FGF12: variants seen among roughly 807,000 people sequenced by gnomAD.
FGF12 encodes fibroblast growth factor 12, also known as fibroblast growth factor 12B.
In FGF12, 14 loss-of-function variants were observed where a neutral mutation model predicts 23.6. That is an observed-to-expected ratio of 0.59 (90% confidence interval 0.39 to 0.93). The LOEUF (loss-of-function observed/expected upper bound fraction) is 0.93. Ranked by LOEUF, FGF12 falls within the 40% of genes least tolerant of loss-of-function variation. The pLI, the probability that FGF12 is intolerant of heterozygous loss-of-function variation, is 0.00. For synonymous variants in FGF12, 62 were observed against 77.3 expected, an observed-to-expected ratio of 0.80 and a Z score of 1.04; for missense variants, 175 against 217.8, an observed-to-expected ratio of 0.80 and a Z score of 1.24.
chr3:192,508,492 C>T (rs550858893), intron 2 of FGF12, among the ~76,000 whole-genome samples: 15 of 152,196 alleles, frequency 9.9e-5, no homozygotes, highest in Non-Finnish European at 2.2e-4. Context: ...CTCTTTATAA[C>T]TCTGGTACCA....
chr3:192,287,826 A>G (rs1209855445), intron 4 of FGF12, among the ~76,000 whole-genome samples: 1 of 152,072 alleles, frequency 6.6e-6, no homozygotes, highest in Non-Finnish European at 1.5e-5. Flanking sequence ...GGGATACATT[A>G]TCTTATTTTC....
intron 4 of FGF12, among the ~76,000 whole-genome samples, chr3:192,316,974 T>A (rs1355237490): frequency 6.6e-6 from 1 of 151,932 alleles, no homozygotes; most frequent in Non-Finnish European, 1.5e-5. Flanking sequence ...GATGAAATTT[T>A]TAGACACACC....
At chr3:192,468,748 C>T (rs1311757774) in intron 2 of FGF12, among the ~76,000 whole-genome samples, 1 of 149,992 alleles carries the variant, frequency 6.7e-6, no homozygotes, top group Non-Finnish European at 1.5e-5. Context: ...AGACTCCGAG[C>T]CTCTACAAAT....
intron 2 of FGF12, among the ~76,000 whole-genome samples, chr3:192,517,987 C>A (rs914746360): frequency 6.6e-6 from 1 of 152,022 alleles, no homozygotes; most frequent in Non-Finnish European, 1.5e-5. Flanking sequence ...AAAAAATAGC[C>A]AGGAGCACAT....
Position 192,621,017 on chromosome 3 carries a change from G to A in FGF12, c.13+106164C>T, listed in dbSNP as rs1181004504. Among the ~76,000 whole-genome samples the A allele has an allele frequency of 4.6e-5, 7 of 152,024 alleles. No individual in the cohort carries two copies. The South Asian group carries it at 1.5e-3, about 32-fold the overall frequency. On this transcript the variant is annotated intron_variant, in intron 2 of 5. Transcript: ENST00000445105. ...ATATATTTTTAGTCAGGTAAATTAA[G>A]GGAATATAATTCTATATGACTTGAA...
intron 5 of FGF12, among the ~76,000 whole-genome samples, chr3:192,165,785 C>T (rs1715131370): frequency 6.6e-6 from 1 of 152,188 alleles, no homozygotes; most frequent in Non-Finnish European, 1.5e-5. Context: ...TGCATATTCA[C>T]AGGCTTACTT....
chr3:192,284,221 G>C (rs1387839168), intron 4 of FGF12, among the ~76,000 whole-genome samples: 2 of 152,046 alleles, frequency 1.3e-5, no homozygotes, highest in African/African-American at 4.8e-5. Context: ...TTTCTACACT[G>C]GAAAGTTCTT....
intron 4 of FGF12, among the ~76,000 whole-genome samples, chr3:192,172,029 T>C (rs1270035118): frequency 2.0e-5 from 3 of 152,104 alleles, no homozygotes; most frequent in Non-Finnish European, 4.4e-5. Context: ...TACAGGTGTG[T>C]ACCACTGCAC....
rs149401655 is a variant in FGF12 at position 192,668,181 on chromosome 3, A to C, written c.13+59000T>G. On this transcript the variant is annotated intron_variant, in intron 2 of 5. Transcript: ENST00000445105. ...ATCTTCCACTCTGAACTCCGAAAAA[A>C]AAAACGGTAGAATAAGTAACTAAAA... Among the ~76,000 whole-genome samples the C allele has an allele frequency of 5.9e-3, 896 of 152,274 alleles. 8 individuals are homozygous for C. Among genetic ancestry groups the C allele is most frequent in the African/African-American group, 0.021 (872 of 41,556 alleles).
intron 2 of FGF12, among the ~76,000 whole-genome samples, chr3:192,584,355 A>C (rs73060523): frequency 0.15 from 22,675 of 151,954 alleles, 1,721 homozygotes; most frequent in Middle Eastern, 0.18. Context: ...CTTATTTTTA[A>C]TCATGATAAC....
rs182235550 is a variant in FGF12, at chr3:192,593,902, C to T, written c.13+133279G>A. 1.1e-3 allele frequency among the ~76,000 whole-genome samples: 171 copies of T among 152,000 alleles called. 1 individual carries two copies. The highest frequency in any genetic ancestry group is 4.0e-3 in the African/African-American group (168 of 41,510). On this transcript the variant is annotated intron_variant, in intron 2 of 5. Coordinates refer to ENST00000445105, the MANE Select transcript of FGF12 (RefSeq NM_004113.6). Reference sequence around the variant, plus strand: ...AAAATCCTCAAATTGCATTACTCTGCCTGAGAATATTGTAATAAGGATTTA... The same window carrying T: ...AAAATCCTCAAATTGCATTACTCTGTCTGAGAATATTGTAATAAGGATTTA...
chr3:192,307,247 C>T (rs1330965351), intron 4 of FGF12, among the ~76,000 whole-genome samples: 1 of 152,082 alleles, frequency 6.6e-6, no homozygotes, highest in Non-Finnish European at 1.5e-5. Context: ...CAACAACCAA[C>T]AGCTTTAGAA....
At chr3:192,334,472 T>C (rs578028112) in intron 4 of FGF12, among the ~76,000 whole-genome samples, 3 of 152,166 alleles carry the variant, frequency 2.0e-5, no homozygotes, top group African/African-American at 7.2e-5. Context: ...TTTCAAGGAA[T>C]TTTTTTCATG....
intron 2 of FGF12, among the ~76,000 whole-genome samples, chr3:192,704,432 A>G (rs1718401411): frequency 6.6e-6 from 1 of 152,218 alleles, no homozygotes; most frequent in Admixed American, 6.5e-5. Flanking sequence ...ATATTTTAAA[A>G]GAAATCTTTC....
intron 2 of FGF12, among the ~76,000 whole-genome samples, chr3:192,395,976 G>A (rs79380159): frequency 3.2e-3 from 492 of 152,242 alleles, no homozygotes; most frequent in Non-Finnish European, 5.6e-3. Context: ...GGTTTGGGTC[G>A]GCTAGAGTAG....
chr3:192,310,672 C>A (rs991361771), intron 4 of FGF12, among the ~76,000 whole-genome samples: 2 of 152,130 alleles, frequency 1.3e-5, no homozygotes, highest in Non-Finnish European at 2.9e-5. Context: ...ATCTGTTTTG[C>A]AATTTAATAC....
chr3:192,361,996 A>T (rs1369909390), intron 2 of FGF12, among the ~76,000 whole-genome samples: 2 of 152,200 alleles, frequency 1.3e-5, no homozygotes, highest in African/African-American at 4.8e-5. Context: ...TCCGTTTTTT[A>T]AATTTGTGAA....
chr3:192,577,584 A>G (rs1203253974), intron 2 of FGF12, among the ~76,000 whole-genome samples: 1 of 152,242 alleles, frequency 6.6e-6, no homozygotes, highest in Non-Finnish European at 1.5e-5. Flanking sequence ...AGGAAGAGGA[A>G]ACTCTGCCAT....
chr3:192,355,717 T>C (rs1718443729), intron 3 of FGF12, among the ~76,000 whole-genome samples: 1 of 152,204 alleles, frequency 6.6e-6, no homozygotes, highest in Non-Finnish European at 1.5e-5. Context: ...GGTGTAATTC[T>C]ATGGCTACTA....
Sources: gnomAD v4.1 joint callset for allele counts (sites outside exome capture counted in the v4.1 genomes callset) on GRCh38, gnomAD v4.1.1 for gene constraint, MANE v1.5 for transcripts, NCBI Gene and HGNC (gene_info 2026-07-23, HGNC 2026-07-21) for gene names.